The following FLG variants were observed in gnomAD, a reference collection of about 807,000 sequenced individuals.
FLG encodes epidermal filaggrin.
Under a neutral mutation model 3.8 loss-of-function variants are expected in FLG, and 6 were observed. The ratio of observed to expected loss-of-function variants is 1.60; its 90% CI spans 0.87 to 3.15. The LOEUF is 3.15. FLG is among the 30% of genes most tolerant of loss of function. The pLI, the probability that FLG is intolerant of heterozygous loss-of-function variation, is 0.00. For synonymous variants in FLG, 2,551 were observed against 1,931.6 expected, an observed-to-expected ratio of 1.32 and a Z score of -8.41; for missense variants, 7,595 against 5,050.9, an observed-to-expected ratio of 1.50 and a Z score of -15.27.
Position 152,306,082 on chromosome 1 carries a change from T to C in FLG, c.8804A>G (p.Glu2935Gly). The C allele has an allele frequency of 2.5e-6, 4 of 1,597,964 alleles. No homozygotes were observed. The highest frequency in any genetic ancestry group is 2.5e-6 in the Non-Finnish European group (3 of 1,179,852). The change falls in exon 3 of 3, where the codon GAA becomes GGA. Residue 2935 changes from glutamate to glycine, a missense_variant. Glu to Gly is a moderately conservative substitution (Grantham distance 98, BLOSUM62 -2). Transcript: ENST00000368799. ...AGAGTGCCCATGACCAGCTCTGTCTTCTTGATGGGACCTGGGGTGTCTGGA... is the reference window on the plus strand; with the variant it reads ...AGAGTGCCCATGACCAGCTCTGTCTCCTTGATGGGACCTGGGGTGTCTGGA... The part of the protein sequence containing the change: ...DGSRHPRSHQ[E>G]DRAGHGHSAD...
Position 152,313,644 on chromosome 1 carries a change from G to C in FLG, c.1242C>G (p.His414Gln), listed in dbSNP as rs1471929194. ...QASSAVSDRG[H>Q]RGSSGSQASD... ...TGGCCTGACTACCGCTAGACCCCCG[G>C]TGTCCACGATCGCTGACTGCAGATG... Residue 414 changes from histidine (H) to glutamine (Q), a missense_variant, in exon 3 of 3, where the codon CAC becomes CAG. Transcript: ENST00000368799. 1.2e-6 allele frequency: 2 copies of C among 1,613,466 alleles called. No individual in the cohort carries two copies. The highest frequency in any genetic ancestry group is 4.5e-5 in the East Asian group (2 of 44,824).
rs752145557 is a variant in FLG, at chr1:152,311,924, G to A, written c.2962C>T (p.His988Tyr). 2 of 1,614,146 alleles carry A rather than the reference G, an allele frequency of 1.2e-6. No homozygotes were observed. Among genetic ancestry groups the A allele is most frequent in the South Asian group, 2.2e-5 (2 of 91,076 alleles). The change falls in exon 3 of 3, where the codon CAT becomes TAT. Residue 988 changes from histidine to tyrosine, a missense_variant. His to Tyr is a moderately conservative substitution (Grantham distance 83). Transcript: ENST00000368799. ...CCGTGACCGGCTCTGTCTTCGTGAT[G>A]GGACCTGGGGTGTCTGGAGCCATGT... is the stretch of plus-strand genomic sequence containing the variant. ...SRHGSRHPRS[H>Y]HEDRAGHGHS... is the part of the protein sequence containing the mutation.
At position 152,311,517 on chromosome 1, in the gene FLG, A is replaced by G; in HGVS notation, c.3369T>C (p.Thr1123=). The change falls in exon 3 of 3, where the codon ACT becomes ACC. Residue 1123 remains threonine (T), a synonymous_variant. Transcript: ENST00000368799. ...CATGGGCAGACTCAGACTGTTCATG[A>G]GTGCTCACCTGGTAGATGAAAGACC... ...RSGSFIYQVS[T]HEQSESAHGR... is the part of the protein sequence containing the mutation. The G allele has an allele frequency of 1.9e-6, 3 of 1,613,578 alleles. No homozygotes were observed. The highest frequency in any genetic ancestry group is 2.5e-6 in the Non-Finnish European group (3 of 1,179,954).
Position 152,308,458 on chromosome 1 carries a change from C to A in FLG, c.6428G>T (p.Gly2143Val). The A allele has an allele frequency of 6.2e-7, 1 of 1,613,698 alleles. No individual in the cohort carries two copies. Among genetic ancestry groups the A allele is most frequent in the Non-Finnish European group, 8.5e-7 (1 of 1,179,816 alleles). ...EGQDTIRGHP[G>V]PSRGGRQGSH... Reference sequence around the variant, plus strand: ...CCCCTGTCTTCCTCCTCTGCTTGGCCCCGGGTGTCCACGAATGGTGTCCTG... The same window carrying A: ...CCCCTGTCTTCCTCCTCTGCTTGGCACCGGGTGTCCACGAATGGTGTCCTG... The change falls in exon 3 of 3, where the codon GGG becomes GTG. Residue 2143 changes from glycine (G) to valine (V), a missense_variant. Gly to Val is a moderately radical substitution (Grantham distance 109, BLOSUM62 -3). Coordinates refer to ENST00000368799, the MANE Select transcript of FLG (RefSeq NM_002016.2).
rs369171510 is a variant in FLG at position 152,311,471 on chromosome 1, C to T, written c.3415G>A (p.Gly1139Arg). 1 of 1,613,802 alleles carries T rather than the reference C, an allele frequency of 6.2e-7. No homozygotes were observed. The highest frequency in any genetic ancestry group is 2.2e-5 in the East Asian group (1 of 44,826). The change falls in exon 3 of 3, where the codon GGA becomes AGA. Residue 1139 changes from glycine to arginine, a missense_variant. Coordinates refer to ENST00000368799, the MANE Select transcript of FLG (RefSeq NM_002016.2). ...SAHGRTRTST[G>R]RRQGSHHEQA... ...TCGTGGTGGGATCCTTGTCTTCGTC[C>T]AGTGCTGGTCCTGGTCCGCCCATGG...
At chr1:152,321,141 C>G (rs1048991287) in intron 1 of FLG, among the ~76,000 whole-genome samples, 8 of 150,548 alleles carry the variant, frequency 5.3e-5, no homozygotes, top group Non-Finnish European at 1.2e-4. Flanking sequence ...AATGATATCT[C>G]TTTTTCCCAT....
At position 152,308,928 on chromosome 1, in the gene FLG, A is replaced by T. The variant is rs767584756; in HGVS notation, c.5958T>A (p.Ser1986=). The change falls in exon 3 of 3, where the codon TCT becomes TCA. Residue 1986 remains serine (S), a synonymous_variant. Coordinates refer to ENST00000368799, the MANE Select transcript of FLG (RefSeq NM_002016.2). ...CATGGGATGACGCAGCCTGTCCACG[A>T]GAGGAAGACTCTGTGTGACGAGTGC... ...QSGTRHTESS[S]RGQAASSHEQ... is the part of the protein sequence containing the mutation. 1 of 1,614,100 alleles carries T rather than the reference A, an allele frequency of 6.2e-7. No individual in the cohort carries two copies. The highest frequency in any genetic ancestry group is 1.1e-5 in the South Asian group (1 of 91,076).
Position 152,311,895 on chromosome 1 carries a change from G to A in FLG, c.2991C>T (p.His997=). 2 of 1,614,128 alleles carry A rather than the reference G, an allele frequency of 1.2e-6. No homozygotes were observed. The highest frequency in any genetic ancestry group is 1.1e-5 in the South Asian group (1 of 91,072). The change falls in exon 3 of 3, where the codon CAC becomes CAT. Residue 997 remains histidine, a synonymous_variant. Coordinates refer to ENST00000368799, the MANE Select transcript of FLG (RefSeq NM_002016.2). ...CTGATTGTCTGGAGCTGTCTGCAGA[G>A]TGCCCGTGACCGGCTCTGTCTTCGT... ...SHHEDRAGHG[H]SADSSRQSGT... is the part of the protein sequence containing the mutation.
At position 152,308,253 on chromosome 1, in the gene FLG, A is replaced by G. The variant is rs781582297; in HGVS notation, c.6633T>C (p.His2211=). ...AGCTGTCGGCCCAAGAGGAAGCTTCATGATGATGCGACCCTGAGTGCCTAG... is the reference window on the plus strand; with the variant it reads ...AGCTGTCGGCCCAAGAGGAAGCTTCGTGATGATGCGACCCTGAGTGCCTAG... The part of the protein sequence containing the change: ...DGSRHSGSHH[H]EASSWADSSR... The change falls in exon 3 of 3, where the codon CAT becomes CAC. Residue 2211 remains histidine (H), a synonymous_variant. Transcript: ENST00000368799. 2.5e-6 allele frequency: 4 copies of G among 1,614,004 alleles called. No individual in the cohort carries two copies. Among genetic ancestry groups the G allele is most frequent in the East Asian group, 2.2e-5 (1 of 44,860 alleles).
Position 152,303,417 on chromosome 1 carries a change from G to T in FLG, c.11469C>A (p.Ser3823=). The T allele has an allele frequency of 6.2e-7, 1 of 1,614,056 alleles. No homozygotes were observed. Among genetic ancestry groups the T allele is most frequent in the South Asian group, 1.1e-5 (1 of 91,070 alleles). Residue 3823 remains serine, a synonymous_variant, in exon 3 of 3, where the codon TCC becomes TCA. Coordinates refer to ENST00000368799, the MANE Select transcript of FLG (RefSeq NM_002016.2). ...CATGGTGACGCGACCCTGAGTGCCT[G>T]GAGCCGTCTCCTGACTGTTCCTCAT... ...TRNEEQSGDG[S]RHSGSRHHEA... is the part of the protein sequence containing the mutation.
chr1:152,323,382 T>C (rs1653042286), intron 1 of FLG, among the ~76,000 whole-genome samples: 1 of 151,686 alleles, frequency 6.6e-6, no homozygotes, highest in Admixed American at 6.6e-5. Flanking sequence ...TGGGAGGATA[T>C]ACAAAACACA....
chr1:152,304,573 G>C lies in FLG; in HGVS notation c.10313C>G (p.Pro3438Arg). 1.2e-6 allele frequency: 2 copies of C among 1,610,316 alleles called. No individual in the cohort carries two copies. Among genetic ancestry groups the C allele is most frequent in the South Asian group, 2.2e-5 (2 of 90,630 alleles). Residue 3438 changes from proline to arginine, a missense_variant, in exon 3 of 3, where the codon CCG becomes CGG. Coordinates refer to ENST00000368799, the MANE Select transcript of FLG (RefSeq NM_002016.2). The part of the protein sequence containing the change: ...QEGQDTIRGH[P>R]GSSRRGRQGS... The stretch of plus-strand genomic sequence containing the variant: ...CTGCCTTCCTCTTCTGCTTGACCCC[G>C]GGTGTCCACGAATGGTGTCCTGACC...
Position 152,303,566 on chromosome 1 carries a change from G to C in FLG, c.11320C>G (p.His3774Asp). The C allele has an allele frequency of 6.2e-7, 1 of 1,613,958 alleles. No individual in the cohort carries two copies. Among genetic ancestry groups the C allele is most frequent in the African/African-American group, 1.3e-5 (1 of 74,978 alleles). The part of the protein sequence containing the change: ...SRRGGRQGSY[H>D]EQSVDRSGHS... ...CCAGACCTATCTACCGATTGCTCGT[G>C]GTAGGATCCCTGTCTTCCTCCTCTC... The change falls in exon 3 of 3, where the codon CAC (histidine) becomes GAC (aspartate). Residue 3774 changes from histidine (H) to aspartate (D), a missense_variant. Transcript: ENST00000368799.
Position 152,314,310 on chromosome 1 carries a change from T to C in FLG, c.576A>G (p.Arg192=), listed in dbSNP as rs1652685217. ...KKEKNKTENT[R]LGDNRKRLSE... is the part of the protein sequence containing the mutation. ...TTAGCCTCTTCCTATTGTCTCCTAA[T>C]CTAGTATTTTCAGTCTTGTTTTTCT... is the stretch of plus-strand genomic sequence containing the variant. Residue 192 remains arginine, a synonymous_variant, in exon 3 of 3, where the codon AGA becomes AGG. Transcript: ENST00000368799. 2.5e-6 allele frequency: 4 copies of C among 1,613,408 alleles called. No individual in the cohort carries two copies. Among genetic ancestry groups the C allele is most frequent in the Admixed American group, 3.3e-5 (2 of 59,988 alleles).
Position 152,309,531 on chromosome 1 carries a change from G to C in FLG, c.5355C>G (p.Ser1785Arg), listed in dbSNP as rs72477394. Residue 1785 changes from serine (S) to arginine (R), a missense_variant, in exon 3 of 3, where the codon AGC becomes AGG. By Grantham distance (110) the Ser-to-Arg change is moderately radical. Transcript: ENST00000368799. ...GGCGGGATCTTTGTCTTCCTCCAGTGCTGGGCCCTGTGCGTCCATGGGCGG... is the reference window on the plus strand; with the variant it reads ...GGCGGGATCTTTGTCTTCCTCCAGTCCTGGGCCCTGTGCGTCCATGGGCGG... ...SESAHGRTGP[S>R]TGGRQRSRHE... The C allele has an allele frequency of 6.8e-4, 1,099 of 1,613,788 alleles. 27 individuals are homozygous for C. In the East Asian group the frequency reaches 0.014, roughly 20 times the overall value.
Position 152,303,239 on chromosome 1 carries a change from C to T in FLG, c.11647G>A (p.Ala3883Thr), listed in dbSNP as rs1243394659. Residue 3883 changes from alanine (A) to threonine (T), a missense_variant, in exon 3 of 3, where the codon GCT (alanine) becomes ACT (threonine). By Grantham distance (58) the Ala-to-Thr change is moderately conservative. Transcript: ENST00000368799. ...GAAGATCCATGATGGTTTCTGGAAG[C>T]AGACTCAGATCGCCTCTCAGAGTCC... ...PEDSERRSES[A>T]SRNHHGSSRE... The T allele has an allele frequency of 1.2e-6, 2 of 1,613,940 alleles. No individual in the cohort carries two copies. Among genetic ancestry groups the T allele is most frequent in the East Asian group, 2.2e-5 (1 of 44,878 alleles).
In FLG at chr1:152,311,195, T is replaced by G. The variant is rs1307439731; in HGVS notation, c.3691A>C (p.Arg1231=). Residue 1231 remains arginine (R), a synonymous_variant, in exon 3 of 3, where the codon AGG becomes CGG. Transcript: ENST00000368799. The part of the protein sequence containing the change: ...RKDKQSGDGS[R]HSGSRHHEAA... Reference sequence around the variant, plus strand: ...TCATGGTGACGTGACCCTGAGTGCCTGGAGCCGTCTCCTGATTGTTTGTCC... The same window carrying G: ...TCATGGTGACGTGACCCTGAGTGCCGGGAGCCGTCTCCTGATTGTTTGTCC... 3.7e-6 allele frequency: 6 copies of G among 1,613,696 alleles called. No homozygotes were observed. Among genetic ancestry groups the G allele is most frequent in the Non-Finnish European group, 4.2e-6 (5 of 1,179,968 alleles).
At position 152,308,501 on chromosome 1, in the gene FLG, A is replaced by T. The variant is rs751278554; in HGVS notation, c.6385T>A (p.Ser2129Thr). ...GTGTCCTGACCCTCTTGGGATGCTG[A>T]GTGCCTGGAGCTGTCTTGTGCCTGA... ...YDQAQDSSRH[S>T]ASQEGQDTIR... The change falls in exon 3 of 3, where the codon TCA becomes ACA. Residue 2129 changes from serine (S) to threonine (T), a missense_variant. By Grantham distance (58) the Ser-to-Thr change is moderately conservative (BLOSUM62 1). Coordinates refer to ENST00000368799, the MANE Select transcript of FLG (RefSeq NM_002016.2). 9.9e-6 allele frequency: 16 copies of T among 1,613,430 alleles called. No individual in the cohort carries two copies. Among genetic ancestry groups the T allele is most frequent in the Non-Finnish European group, 1.3e-5 (15 of 1,179,654 alleles).
rs769609196 is a variant in FLG, at chr1:152,304,486, G to A, written c.10400C>T (p.Thr3467Ile). Reference sequence around the variant, plus strand: ...GGCATCAGACCTTCCCTGGGATGTGGTGTGGCTGTGATGGGACCCTGAGTG... The same window carrying A: ...GGCATCAGACCTTCCCTGGGATGTGATGTGGCTGTGATGGGACCCTGAGTG... ...SGHSGSHHSH[T>I]TSQGRSDASR... Residue 3467 changes from threonine to isoleucine, a missense_variant, in exon 3 of 3, where the codon ACC (threonine) becomes ATC (isoleucine). Coordinates refer to ENST00000368799, the MANE Select transcript of FLG (RefSeq NM_002016.2). 8 of 1,612,900 alleles carry A rather than the reference G, an allele frequency of 5.0e-6. No individual in the cohort carries two copies. In the Middle Eastern group the frequency reaches 8.3e-4, roughly 167 times the overall value.
Sources: allele counts gnomAD v4.1 joint callset (sites outside exome capture counted in the v4.1 genomes callset), GRCh38; gene constraint gnomAD v4.1.1; transcripts MANE v1.5; gene names NCBI Gene and HGNC (gene_info 2026-07-23, HGNC 2026-07-21).